PLS1: variants seen among roughly 807,000 people sequenced by gnomAD.
The protein encoded by PLS1 is plastin 1.
Under a neutral mutation model 73.7 loss-of-function variants are expected in PLS1, and 32 were observed. That is an observed-to-expected ratio of 0.43 (90% confidence interval 0.33 to 0.58). PLS1 has a LOEUF of 0.58. PLS1 is among the 20% of genes least tolerant of loss of function. PLS1 has a pLI of 0.04. For synonymous variants in PLS1, 217 were observed against 261.3 expected (o/e 0.83, Z 1.63); for missense variants, 633 against 740.5 (o/e 0.85, Z 1.68).
At chr3:142,619,820 G>A (rs967858731) in intron 1 of PLS1, among the ~76,000 whole-genome samples, 4 of 152,128 alleles carry the variant, frequency 2.6e-5, no homozygotes, top group African/African-American at 9.7e-5. Context: ...TTAGAGGTGA[G>A]GTTTCCAATT....
At chr3:142,664,168 C>G (rs2037428747) in intron 1 of PLS1, 34 bp from the exon 2 acceptor site, 1 of 834,810 alleles carries the variant, frequency 1.2e-6, no homozygotes, top group Non-Finnish European at 2.0e-6. Flanking sequence ...TTTCCAAAGG[C>G]TTCATGCTTT....
chr3:142,615,990 G>T (rs139270772), intron 1 of PLS1, among the ~76,000 whole-genome samples: 2 of 152,174 alleles, frequency 1.3e-5, no homozygotes, highest in Admixed American at 6.5e-5. Flanking sequence ...TAACAAGCCC[G>T]TTTGGTGATT....
chr3:142,603,973 C>G (rs555590044), intron 1 of PLS1, among the ~76,000 whole-genome samples: 54 of 152,104 alleles, frequency 3.6e-4, no homozygotes, highest in African/African-American at 1.3e-3. Flanking sequence ...TGGGGTGTCA[C>G]TGACCCAAAA....
intron 1 of PLS1, among the ~76,000 whole-genome samples, chr3:142,608,628 A>G (rs1037538519): frequency 4.6e-5 from 7 of 152,196 alleles, no homozygotes; most frequent in Non-Finnish European, 1.0e-4. Context: ...GCCAGACTCC[A>G]GAGTTTCCAG....
intron 10 of PLS1, among the ~76,000 whole-genome samples, chr3:142,693,157 G>C (rs2038120472): frequency 6.6e-6 from 1 of 152,120 alleles, no homozygotes; most frequent in Non-Finnish European, 1.5e-5. Flanking sequence ...AGAAATTATA[G>C]GGCTACATAA....
chr3:142,645,636 T>C (rs1167390717), intron 1 of PLS1: 3 of 152,228 alleles, frequency 2.0e-5, no homozygotes, highest in Admixed American at 2.0e-4. Flanking sequence ...TCCTGCTCTC[T>C]GACAGTTCTT....
intron 1 of PLS1, among the ~76,000 whole-genome samples, chr3:142,641,618 G>A (rs911446858): frequency 1.8e-4 from 27 of 151,880 alleles, no homozygotes; most frequent in African/African-American, 5.8e-4. Context: ...CTTACAGTTC[G>A]TAATTTTTGT....
chr3:142,625,665 A>G (rs751849646), intron 1 of PLS1, among the ~76,000 whole-genome samples: 7 of 152,166 alleles, frequency 4.6e-5, no homozygotes, highest in Non-Finnish European at 7.3e-5. Context: ...TAGGTTATAT[A>G]TACTAGGGTA....
chr3:142,691,223 A>C (rs959589732), intron 10 of PLS1, among the ~76,000 whole-genome samples: 1 of 152,138 alleles, frequency 6.6e-6, no homozygotes, highest in African/African-American at 2.4e-5. Flanking sequence ...GAATATGAGT[A>C]ATTCATTCTT....
chr3:142,676,213 G>A lies in PLS1; in HGVS notation c.421G>A (p.Asp141Asn). The change falls in exon 5 of 16, where the codon GAC becomes AAC. Residue 141 changes from aspartate (D) to asparagine (N), a missense_variant. Asp to Asn is a conservative substitution (Grantham distance 23, BLOSUM62 1). Coordinates refer to ENST00000457734, the MANE Select transcript of PLS1 (RefSeq NM_001145319.2). ...WINKALENDPDCKHLIPMNPN... is the reference protein window; with the variant it reads ...WINKALENDPNCKHLIPMNPN... ...AAACAAAGCCCTGGAGAATGACCCT[G>A]ACTGTAAGCATCTTATACCCATGAA... is the stretch of plus-strand genomic sequence containing the variant. The A allele has an allele frequency of 1.2e-6, 2 of 1,613,114 alleles. 1 individual carries two copies. Among genetic ancestry groups the A allele is most frequent in the Non-Finnish European group, 1.7e-6 (2 of 1,179,098 alleles).
At chr3:142,705,858 AC>A (rs113984897) in intron 14 of PLS1, among the ~76,000 whole-genome samples, 51 of 151,194 alleles carry the variant, frequency 3.4e-4, no homozygotes, top group African/African-American at 1.2e-3. Flanking sequence ...ATTGATTTCC[AC>A]CCCCCCTTTT....
At chr3:142,683,328 C>T (rs148972183) in intron 6 of PLS1, among the ~76,000 whole-genome samples, 22 of 152,274 alleles carry the variant, frequency 1.4e-4, no homozygotes, top group African/African-American at 2.4e-4. Context: ...CATGGTGAAA[C>T]GCCATCTCTA....
Position 142,712,241 on chromosome 3 carries a change from T to G in PLS1, c.*234T>G, listed in dbSNP as rs781578561. On this transcript the variant is annotated 3_prime_UTR_variant, in exon 16 of 16. Coordinates refer to ENST00000457734, the MANE Select transcript of PLS1 (RefSeq NM_001145319.2). ...TAGAATATATTCATAATCAAGCTGATACTTCATGATTAAATTATTTTTGTT... is the reference window on the plus strand; with the variant it reads ...TAGAATATATTCATAATCAAGCTGAGACTTCATGATTAAATTATTTTTGTT... The G allele has an allele frequency of 2.7e-5, 9 of 338,728 alleles. No individual in the cohort carries two copies. Among genetic ancestry groups the G allele is most frequent in the Non-Finnish European group, 4.3e-5 (8 of 187,198 alleles). 21.0% of individuals were successfully genotyped at this position (338,728 alleles called of 1,614,324 possible).
At chr3:142,669,574 G>C (rs75677187) in intron 3 of PLS1, 21 bp downstream of exon 3, 49 of 1,583,302 alleles carry the variant, frequency 3.1e-5, no homozygotes, top group African/African-American at 1.2e-4. Flanking sequence ...TAATCCTTTC[G>C]GGCTACTGAT....
chr3:142,669,649 A>T, intron 3 of PLS1, 96 bp downstream of exon 3: 1 of 739,630 alleles, frequency 1.4e-6, no homozygotes, highest in East Asian at 2.8e-5. Flanking sequence ...AGCTTCAGAG[A>T]CCAGAAAAAG....
chr3:142,602,748 C>T (rs933369980), intron 1 of PLS1, among the ~76,000 whole-genome samples: 3 of 152,186 alleles, frequency 2.0e-5, no homozygotes, highest in Non-Finnish European at 4.4e-5. Flanking sequence ...CCCTTGCTGC[C>T]TGAGCTCTCT....
chr3:142,649,574 C>T lies in PLS1; in HGVS notation c.-36-14628C>T, dbSNP rs371149464. The stretch of plus-strand genomic sequence containing the variant: ...AATTGCTTGAGCCTGGGAGATGGAG[C>T]TTGCAGTGAGCTGAGATCGCACCAC... On this transcript the variant is annotated intron_variant, in intron 1 of 15. Transcript: ENST00000457734. 5.3e-5 allele frequency among the ~76,000 whole-genome samples: 8 copies of T among 151,580 alleles called. No individual in the cohort carries two copies. The East Asian group carries it at 1.6e-3, about 30-fold the overall frequency.
chr3:142,641,816 G>T (rs1261514864), intron 1 of PLS1, among the ~76,000 whole-genome samples: 1 of 151,876 alleles, frequency 6.6e-6, no homozygotes, highest in East Asian at 1.9e-4. Flanking sequence ...TGACACCTAG[G>T]GCAGCTTTGG....
At chr3:142,642,695 T>C (rs2036867611) in intron 1 of PLS1, among the ~76,000 whole-genome samples, 1 of 152,226 alleles carries the variant, frequency 6.6e-6, no homozygotes, top group Non-Finnish European at 1.5e-5. Context: ...TTCATTGTTA[T>C]TTTAATTTTC....
Sources: allele counts gnomAD v4.1 joint callset (sites outside exome capture counted in the v4.1 genomes callset), GRCh38; gene constraint gnomAD v4.1.1; transcripts MANE v1.5; gene names NCBI Gene and HGNC (gene_info 2026-07-23, HGNC 2026-07-21).